RAB27B: variants seen among roughly 807,000 people sequenced by gnomAD.
RAB27B encodes the protein ras-related protein Rab-27B.
A neutral mutation model predicts 24.6 loss-of-function variants in RAB27B; 15 were observed. The ratio of observed to expected loss-of-function variants is 0.61; its 90% CI spans 0.41 to 0.94. RAB27B has a LOEUF of 0.94. Ranked by LOEUF, RAB27B falls within the 40% of genes least tolerant of loss-of-function variation. The pLI is 0.00. For synonymous variants in RAB27B, 105 were observed against 92.5 expected (o/e 1.14, Z -0.78); for missense variants, 261 against 266.8 (o/e 0.98, Z 0.15).
intron 2 of RAB27B, among the ~76,000 whole-genome samples, chr18:54,739,448 C>T (rs531341365): frequency 7.5e-6 from 1 of 133,272 alleles, no homozygotes; most frequent in East Asian, 2.0e-4. Flanking sequence ...AAGAGCGAAA[C>T]TCCATCTCAA....
Position 54,759,708 on chromosome 18 carries a change from T to C in RAB27B, c.-20+41567T>C, listed in dbSNP as rs138178675. ...TCCTGTACCCATAAAAAGCCCAGGC[T>C]CTACTGGCAGAGGGGCAGCAGAGTG... On this transcript the variant is annotated intron_variant, in intron 2 of 4. Coordinates refer to the RAB27B transcript ENST00000586570. 1.6e-3 allele frequency among the ~76,000 whole-genome samples: 238 copies of C among 152,194 alleles called. 1 individual carries two copies. Among genetic ancestry groups the C allele is most frequent in the African/African-American group, 5.2e-3 (214 of 41,536 alleles).
chr18:54,803,915 T>C (rs983926052), intron 2 of RAB27B, among the ~76,000 whole-genome samples: 1 of 152,128 alleles, frequency 6.6e-6, no homozygotes, highest in Non-Finnish European at 1.5e-5. Flanking sequence ...TAGGAAAGTT[T>C]GGAGTTTTGG....
rs116748970 is a variant in RAB27B, at chr18:54,782,269, T to G, written c.-20+64128T>G. Among the ~76,000 whole-genome samples, 943 of 152,350 alleles carry G rather than the reference T, an allele frequency of 6.2e-3. 6 individuals are homozygous for G. The highest frequency in any genetic ancestry group is 0.022 in the African/African-American group (914 of 41,582). On this transcript the variant is annotated intron_variant, in intron 2 of 4. Coordinates refer to the RAB27B transcript ENST00000586570. ...AACCTGATATATCATTTTCGTGTCC[T>G]GTTTACAAAACAAAATGTATTGAAA...
At chr18:54,848,950 A>G (rs1260400468) in intron 1 of RAB27B, among the ~76,000 whole-genome samples, 4 of 152,362 alleles carry the variant, frequency 2.6e-5, no homozygotes, top group Non-Finnish European at 5.9e-5. Flanking sequence ...GAAATAGAAT[A>G]TTCAAATAAT....
chr18:54,891,328 C>T lies in RAB27B; in HGVS notation c.*1915C>T, dbSNP rs1474460716. ...GAAATTCTCAGCATTAACTGGCCAG[C>T]TCCTCTGATTTCTGCAGCATCGCAA... On this transcript the variant is annotated 3_prime_UTR_variant, in exon 6 of 6. Coordinates refer to ENST00000262094, the MANE Select transcript of RAB27B (RefSeq NM_004163.4). 6.6e-6 allele frequency: 1 copy of T among 151,134 alleles called. No homozygotes were observed. Among genetic ancestry groups the T allele is most frequent in the African/African-American group, 2.5e-5 (1 of 40,464 alleles). 9.4% of individuals were successfully genotyped at this position (151,134 alleles called of 1,614,324 possible).
At chr18:54,832,650 T>G (rs1433837225) in intron 1 of RAB27B, among the ~76,000 whole-genome samples, 1 of 152,162 alleles carries the variant, frequency 6.6e-6, no homozygotes, top group East Asian at 1.9e-4. Context: ...TTCGGACATT[T>G]GGGACCTTGT....
chr18:54,807,462 C>T (rs915451178), intron 2 of RAB27B, among the ~76,000 whole-genome samples: 10 of 152,130 alleles, frequency 6.6e-5, no homozygotes, highest in African/African-American at 2.2e-4. Flanking sequence ...GACATAATCT[C>T]CTCGGGAACT....
At chr18:54,835,265 G>A (rs1910850036) in intron 1 of RAB27B, among the ~76,000 whole-genome samples, 1 of 151,880 alleles carries the variant, frequency 6.6e-6, no homozygotes, top group Non-Finnish European at 1.5e-5. Flanking sequence ...TGACTCAGGT[G>A]CCTCCTTGGA....
chr18:54,849,434 T>C (rs931559561), intron 1 of RAB27B, among the ~76,000 whole-genome samples: 2 of 152,168 alleles, frequency 1.3e-5, no homozygotes, highest in African/African-American at 4.8e-5. Context: ...AGAAGGTAAA[T>C]TGGCCAGGAG....
chr18:54,876,474 T>A (rs971527707), intron 1 of RAB27B, among the ~76,000 whole-genome samples: 1 of 152,212 alleles, frequency 6.6e-6, no homozygotes, highest in Non-Finnish European at 1.5e-5. Context: ...CTTTGCATTC[T>A]AGAAAAATCT....
chr18:54,786,599 C>A (rs6566849), intron 2 of RAB27B, among the ~76,000 whole-genome samples: 77,027 of 152,058 alleles, frequency 0.51, 20,311 homozygotes, highest in African/African-American at 0.64. Context: ...ATGCAGTGGA[C>A]ATGCATAAGA....
At chr18:54,720,859 T>C (rs537118361) in intron 2 of RAB27B, among the ~76,000 whole-genome samples, 2 of 152,214 alleles carry the variant, frequency 1.3e-5, no homozygotes, top group East Asian at 3.9e-4. Context: ...TAAGAATCTG[T>C]TGGCCACATA....
chr18:54,806,854 A>C (rs1449158624), intron 2 of RAB27B, among the ~76,000 whole-genome samples: 7 of 152,108 alleles, frequency 4.6e-5, no homozygotes, highest in Non-Finnish European at 2.9e-5. Context: ...TAAAGCAAAA[A>C]TGAGTAGGTT....
At chr18:54,833,234 C>CTTTTTTTTTT (rs559070445) in intron 1 of RAB27B, among the ~76,000 whole-genome samples, 15 of 129,506 alleles carry the variant, frequency 1.2e-4, no homozygotes, top group Non-Finnish European at 1.8e-4. Context: ...TTCTTTCTTT[C>CTTTTTTTTTT]TTTTTTTTTT....
At chr18:54,862,984 A>G (rs1194916619) in intron 1 of RAB27B, among the ~76,000 whole-genome samples, 3 of 152,162 alleles carry the variant, frequency 2.0e-5, no homozygotes, top group Admixed American at 6.5e-5. Context: ...TTTCATTTCC[A>G]TAGAGTTTTT....
At chr18:54,743,025 A>G (rs1189785869) in intron 2 of RAB27B, among the ~76,000 whole-genome samples, 1 of 152,224 alleles carries the variant, frequency 6.6e-6, no homozygotes, top group Non-Finnish European at 1.5e-5. Flanking sequence ...TTTCAAGCCT[A>G]GATAGAAACA....
At chr18:54,887,480 T>C (rs924237974) in intron 4 of RAB27B, among the ~76,000 whole-genome samples, 8 of 152,248 alleles carry the variant, frequency 5.3e-5, no homozygotes, top group Non-Finnish European at 7.4e-5. Flanking sequence ...TATTATGTAT[T>C]ATTAGAAGAA....
At chr18:54,740,971 A>T (rs941668004) in intron 2 of RAB27B, among the ~76,000 whole-genome samples, 3 of 152,232 alleles carry the variant, frequency 2.0e-5, no homozygotes, top group Admixed American at 1.3e-4. Flanking sequence ...TATTTTCAAT[A>T]AACTCTACCT....
intron 2 of RAB27B, among the ~76,000 whole-genome samples, chr18:54,742,893 C>T (rs1285451162): frequency 6.6e-6 from 1 of 152,196 alleles, no homozygotes; most frequent in African/African-American, 2.4e-5. Flanking sequence ...AATTTTGCAT[C>T]TATGTCAACT....
Sources: gnomAD v4.1 joint callset for allele counts (sites outside exome capture counted in the v4.1 genomes callset) on GRCh38, gnomAD v4.1.1 for gene constraint, MANE v1.5 for transcripts, NCBI Gene and HGNC (gene_info 2026-07-23, HGNC 2026-07-21) for gene names.